The following SMARCA2 variants were observed in gnomAD, a reference collection of about 807,000 sequenced individuals.
The protein encoded by SMARCA2 is SWI/SNF related BAF chromatin remodeling complex subunit ATPase 2, also known as SWI/SNF-related matrix-associated actin-dependent regulator of chromatin subfamily A member 2.
SMARCA2 carries 61 observed loss-of-function variants against 199.8 expected under a neutral mutation model. That is an observed-to-expected ratio of 0.31 (90% CI 0.25 to 0.38). The LOEUF (loss-of-function observed/expected upper bound fraction) is 0.38, where lower values mean the gene tolerates loss of function less well. SMARCA2 is among the 10% of genes least tolerant of loss of function. The pLI, the probability that SMARCA2 is intolerant of heterozygous loss-of-function variation, is 1.00. For synonymous variants in SMARCA2, 935 were observed against 732.0 expected, an observed-to-expected ratio of 1.28 and a Z score of -4.48; for missense variants, 1,344 against 2,012.2, an observed-to-expected ratio of 0.67 and a Z score of 6.35.
chr9:2,165,228 T>C (rs548856792), intron 28 of SMARCA2, among the ~76,000 whole-genome samples: 62 of 152,352 alleles, frequency 4.1e-4, no homozygotes, highest in Middle Eastern at 3.4e-3. Context: ...GCATATTAAA[T>C]AAGAACAGCC....
At chr9:2,145,024 T>C (rs892977938) in intron 27 of SMARCA2, among the ~76,000 whole-genome samples, 1 of 151,992 alleles carries the variant, frequency 6.6e-6, no homozygotes, top group African/African-American at 2.4e-5. Flanking sequence ...AACGCGCTGG[T>C]TATGGTGGCT....
intron 29 of SMARCA2, 57 bp from the exon 30 acceptor site, chr9:2,181,514 C>T (rs1827020632): frequency 1.2e-6 from 1 of 845,434 alleles, no homozygotes; most frequent in East Asian, 2.4e-5. Context: ...AAAAATAAAA[C>T]CTTTCCTCAG....
intron 28 of SMARCA2, among the ~76,000 whole-genome samples, chr9:2,166,884 A>G (rs998118167): frequency 6.6e-6 from 1 of 152,222 alleles, no homozygotes; most frequent in Non-Finnish European, 1.5e-5. Flanking sequence ...AGCCTTTCCA[A>G]TCTATCACCC....
chr9:2,075,943 A>C (rs1049804478), intron 12 of SMARCA2, among the ~76,000 whole-genome samples: 1 of 152,224 alleles, frequency 6.6e-6, no homozygotes, highest in African/African-American at 2.4e-5. Context: ...AAATAATGAT[A>C]AACATTTATG....
intron 30 of SMARCA2, among the ~76,000 whole-genome samples, 153 bp downstream of exon 30, chr9:2,181,829 G>GTTAC (rs1450140847): frequency 2.6e-5 from 4 of 152,344 alleles, no homozygotes; most frequent in Non-Finnish European, 5.9e-5. Flanking sequence ...TTCCGTGAGT[G>GTTAC]TTACTTAATC....
chr9:2,110,868 T>G lies in SMARCA2; in HGVS notation c.3456+451T>G, dbSNP rs994240180. ...AATCTTTGCAGTCAAGGAAACTGAATCCTAGGCAGGGTAAGTAACTTCCCC... is the reference window on the plus strand; with the variant it reads ...AATCTTTGCAGTCAAGGAAACTGAAGCCTAGGCAGGGTAAGTAACTTCCCC... On this transcript the variant is annotated intron_variant, in intron 24 of 33. Coordinates refer to ENST00000349721, the MANE Select transcript of SMARCA2 (RefSeq NM_003070.5). This position sits in a 1 kb window ranked among gnomAD's most constrained non-coding sequence, Gnocchi z 4.8. Among the ~76,000 whole-genome samples, 4 of 152,204 alleles carry G rather than the reference T, an allele frequency of 2.6e-5. No homozygotes were observed. Among genetic ancestry groups the G allele is most frequent in the African/African-American group, 9.6e-5 (4 of 41,460 alleles).
rs547329920 is a variant in SMARCA2 at position 2,120,682 on chromosome 9, A to G, written c.3762+1147A>G. Among the ~76,000 whole-genome samples the G allele has an allele frequency of 3.9e-5, 6 of 152,252 alleles. No homozygotes were observed. In the South Asian group the frequency reaches 1.2e-3, roughly 32 times the overall value. On this transcript the variant is annotated intron_variant, in intron 26 of 33. Coordinates refer to ENST00000349721, the MANE Select transcript of SMARCA2 (RefSeq NM_003070.5). ...TTTCTGGGAACATTGATTGTATATA[A>G]TGATCCACAATAAAATTTTCTTTCT...
chr9:2,129,420 A>T (rs933290252), intron 27 of SMARCA2, among the ~76,000 whole-genome samples: 2 of 152,098 alleles, frequency 1.3e-5, no homozygotes, highest in Admixed American at 1.3e-4. Flanking sequence ...TCCATCTCGA[A>T]AAAAGGGGAC....
intron 6 of SMARCA2, among the ~76,000 whole-genome samples, chr9:2,055,009 C>T (rs1268743548): frequency 6.6e-6 from 1 of 152,100 alleles, no homozygotes; most frequent in Non-Finnish European, 1.5e-5. Flanking sequence ...GATGAAAAAC[C>T]TTGGGAACAA....
chr9:2,040,155 T>G (rs959740527), intron 4 of SMARCA2: 2 of 733,428 alleles, frequency 2.7e-6, no homozygotes, highest in African/African-American at 3.5e-5. Flanking sequence ...CACCTGTGAT[T>G]TTGCGTTCTC....
At chr9:2,062,012 C>G (rs1195554258) in intron 9 of SMARCA2, among the ~76,000 whole-genome samples, 6 of 152,094 alleles carry the variant, frequency 3.9e-5, no homozygotes, top group Admixed American at 1.3e-4. Flanking sequence ...ATTTTCTTGT[C>G]AGTGTAGCAT....
intron 20 of SMARCA2, chr9:2,096,987 C>T (rs555492368): frequency 3.1e-4 from 168 of 547,026 alleles, no homozygotes; most frequent in African/African-American, 2.8e-3. Context: ...AAATAGTTAG[C>T]TCTGCTTATG....
chr9:2,054,738 C>T lies in SMARCA2; in HGVS notation c.1173+15C>T. On this transcript the variant is annotated intron_variant, in intron 6 of 33. Coordinates refer to ENST00000349721, the MANE Select transcript of SMARCA2 (RefSeq NM_003070.5). Reference sequence around the variant, plus strand: ...TCCAGCGTCAGGTAATACATTTTCCCCAGTGAATCTGAGATGTAGGAAATA... The same window carrying T: ...TCCAGCGTCAGGTAATACATTTTCCTCAGTGAATCTGAGATGTAGGAAATA... 1.2e-6 allele frequency: 2 copies of T among 1,613,440 alleles called. No homozygotes were observed. Among genetic ancestry groups the T allele is most frequent in the Non-Finnish European group, 1.7e-6 (2 of 1,179,532 alleles).
chr9:2,072,058 GAACCA>G (rs1563748875), intron 10 of SMARCA2: 10 of 152,160 alleles, frequency 6.6e-5, no homozygotes, highest in Admixed American at 6.5e-4. Flanking sequence ...TAAGGGGAAA[GAACCA>G]TTGGGTATGT....
intron 27 of SMARCA2, among the ~76,000 whole-genome samples, chr9:2,148,446 C>G (rs913456638): frequency 1.3e-5 from 2 of 151,282 alleles, no homozygotes; most frequent in Non-Finnish European, 3.0e-5. Context: ...TCTAGATACT[C>G]CATTTCTGGA....
At chr9:2,099,815 A>G (rs1344894885) in intron 21 of SMARCA2, among the ~76,000 whole-genome samples, 1 of 152,158 alleles carries the variant, frequency 6.6e-6, no homozygotes, top group African/African-American at 2.4e-5. Context: ...CTTAAACTCA[A>G]GAAATGGAAA....
At chr9:2,066,628 T>C (rs1358336612) in intron 9 of SMARCA2, among the ~76,000 whole-genome samples, 1 of 152,242 alleles carries the variant, frequency 6.6e-6, no homozygotes. Context: ...TAATTAGTTC[T>C]AAACTCTTTT....
chr9:2,101,500 C>G (rs1003487928), intron 21 of SMARCA2, 70 bp from the exon 22 acceptor site: 1 of 819,682 alleles, frequency 1.2e-6, no homozygotes, highest in Non-Finnish European at 1.9e-6. Context: ...GATAACCTCA[C>G]TAAAAGAGTA....
At chr9:2,152,276 G>C (rs1484564940) in intron 27 of SMARCA2, among the ~76,000 whole-genome samples, 1 of 152,244 alleles carries the variant, frequency 6.6e-6, no homozygotes, top group African/African-American at 2.4e-5. Flanking sequence ...GAAAGGCTGG[G>C]TGCCATGGCT....
Sources: allele counts gnomAD v4.1 joint callset (sites outside exome capture counted in the v4.1 genomes callset), GRCh38; gene constraint gnomAD v4.1.1; non-coding constraint Gnocchi (gnomAD v3.1); transcripts MANE v1.5; gene names NCBI Gene and HGNC (gene_info 2026-07-23, HGNC 2026-07-21).